The following WDPCP variants were observed in gnomAD, a reference collection of about 807,000 sequenced individuals.
WDPCP encodes the protein WD repeat containing planar cell polarity effector.
In WDPCP, 71 loss-of-function variants were observed where a neutral mutation model predicts 93.1. That is an observed-to-expected ratio of 0.76 (90% CI 0.63 to 0.93). The LOEUF is 0.93. WDPCP is among the 40% of genes least tolerant of loss of function. WDPCP has a pLI of 0.00. For synonymous variants in WDPCP, 315 were observed against 315.0 expected, an observed-to-expected ratio of 1.00 and a Z score of 0.00; for missense variants, 844 against 887.4, an observed-to-expected ratio of 0.95 and a Z score of 0.62.
chr2:63,148,277 T>TG (rs1414532164), intron 17 of WDPCP, among the ~76,000 whole-genome samples: 1 of 151,004 alleles, frequency 6.6e-6, no homozygotes, highest in Non-Finnish European at 1.5e-5. Flanking sequence ...CAGTGAGCTG[T>TG]GATCACACCA....
chr2:63,699,998 G>A (rs556486572), intron 2 of WDPCP, among the ~76,000 whole-genome samples: 1 of 152,172 alleles, frequency 6.6e-6, no homozygotes, highest in African/African-American at 2.4e-5. Context: ...GGTAGAATAT[G>A]CTTTGGGCTG....
At chr2:63,747,775 T>A (rs2103873466) in intron 2 of WDPCP, among the ~76,000 whole-genome samples, 1 of 152,220 alleles carries the variant, frequency 6.6e-6, no homozygotes, top group Admixed American at 6.6e-5. Context: ...TCCATATACA[T>A]TTTAGAATAT....
intron 13 of WDPCP, among the ~76,000 whole-genome samples, chr2:63,281,346 TGTG>T (rs1455340518): frequency 6.6e-6 from 1 of 152,186 alleles, no homozygotes; most frequent in African/African-American, 2.4e-5. Context: ...TTGGTGTGGA[TGTG>T]GTGAAAAGGG....
intron 3 of WDPCP, among the ~76,000 whole-genome samples, chr2:63,644,532 G>A (rs966211430): frequency 2.6e-5 from 4 of 152,086 alleles, no homozygotes; most frequent in African/African-American, 7.2e-5. Context: ...GTGAGCCACC[G>A]TGCCCGGCCT....
rs372736355 is a variant in WDPCP at position 63,439,731 on chromosome 2, A to G, written c.499+26T>C. 6.3e-6 allele frequency: 10 copies of G among 1,595,898 alleles called. No homozygotes were observed. In the African/African-American group the frequency reaches 1.3e-4, roughly 21 times the overall value. On this transcript the variant is annotated intron_variant, in intron 7 of 17. Transcript: ENST00000272321. ...TCCTGCCCCACTGTTAATGTAGGCA[A>G]TTGATTTGCACATGGGGGTAATTAC...
chr2:63,229,196 T>C (rs1678597619), intron 14 of WDPCP: 1 of 152,208 alleles, frequency 6.6e-6, no homozygotes, highest in Admixed American at 6.5e-5. Flanking sequence ...ATGATGAGCA[T>C]TTTTTCATGT....
intron 2 of WDPCP, among the ~76,000 whole-genome samples, chr2:63,797,841 A>G (rs1670638613): frequency 6.6e-6 from 1 of 152,144 alleles, no homozygotes; most frequent in South Asian, 2.1e-4. Flanking sequence ...TAGAACACCA[A>G]GCAGATTTAA....
chr2:63,558,320 G>T (rs1486096772), intron 1 of WDPCP, among the ~76,000 whole-genome samples: 1 of 152,004 alleles, frequency 6.6e-6, no homozygotes, highest in African/African-American at 2.4e-5. Flanking sequence ...TTGAGGTCAG[G>T]AGTTTGAGAC....
intron 13 of WDPCP, among the ~76,000 whole-genome samples, chr2:63,301,791 CT>C (rs35225838): frequency 0.17 from 25,073 of 144,536 alleles, 2,198 homozygotes; most frequent in Admixed American, 0.26. Context: ...AAAGGGATGC[CT>C]TTTTTTTTTT....
intron 10 of WDPCP, among the ~76,000 whole-genome samples, chr2:63,396,608 G>A: frequency 6.6e-6 from 1 of 151,940 alleles, no homozygotes; most frequent in East Asian, 1.9e-4. Flanking sequence ...CAGCTGGGGA[G>A]ATAAAGACCA....
chr2:63,788,910 G>A (rs1231682833), intron 2 of WDPCP, among the ~76,000 whole-genome samples: 1 of 152,072 alleles, frequency 6.6e-6, no homozygotes, highest in Non-Finnish European at 1.5e-5. Flanking sequence ...ATAATTCTGA[G>A]CATTCAGACC....
chr2:63,630,318 G>A (rs1422806042), intron 3 of WDPCP, among the ~76,000 whole-genome samples: 1 of 151,966 alleles, frequency 6.6e-6, no homozygotes, highest in East Asian at 1.9e-4. Context: ...ATGGTCTAAA[G>A]GCATCAGTTA....
intron 1 of WDPCP, among the ~76,000 whole-genome samples, chr2:63,576,855 T>C (rs1708151892): frequency 6.6e-6 from 1 of 152,160 alleles, no homozygotes; most frequent in Non-Finnish European, 1.5e-5. Context: ...AAATATATAC[T>C]TCTAATTATA....
chr2:63,156,016 A>G (rs1304987188), intron 15 of WDPCP, among the ~76,000 whole-genome samples: 1 of 152,030 alleles, frequency 6.6e-6, no homozygotes, highest in African/African-American at 2.4e-5. Context: ...TTATTTATTT[A>G]TTTGACAGAG....
intron 13 of WDPCP, among the ~76,000 whole-genome samples, chr2:63,307,514 A>G (rs1349000377): frequency 6.6e-6 from 1 of 152,200 alleles, no homozygotes; most frequent in East Asian, 1.9e-4. Context: ...GGTAAACAAA[A>G]CAGCGTGGTA....
chr2:63,253,157 GA>G (rs1424415226), intron 14 of WDPCP, among the ~76,000 whole-genome samples: 1 of 152,018 alleles, frequency 6.6e-6, no homozygotes, highest in Admixed American at 6.6e-5. Context: ...AAGAAGTTGG[GA>G]AAGGACTCCC....
At chr2:63,579,015 A>G (rs1708305421) in intron 1 of WDPCP, among the ~76,000 whole-genome samples, 1 of 152,158 alleles carries the variant, frequency 6.6e-6, no homozygotes, top group Non-Finnish European at 1.5e-5. Context: ...ATATCCTTAC[A>G]CTATAGCATC....
chr2:63,544,044 C>T (rs1416749210), intron 1 of WDPCP, among the ~76,000 whole-genome samples: 1 of 152,026 alleles, frequency 6.6e-6, no homozygotes, highest in Non-Finnish European at 1.5e-5. Context: ...AGATAGGTCC[C>T]CATTTAAATC....
chr2:63,146,948 A>T (rs1318791621), intron 17 of WDPCP, among the ~76,000 whole-genome samples: 1 of 152,222 alleles, frequency 6.6e-6, no homozygotes, highest in African/African-American at 2.4e-5. Context: ...AAAACTTTTC[A>T]TAATAAAATT....
Sources: gnomAD v4.1 joint callset for allele counts (sites outside exome capture counted in the v4.1 genomes callset) on GRCh38, gnomAD v4.1.1 for gene constraint, MANE v1.5 for transcripts, NCBI Gene and HGNC (gene_info 2026-07-23, HGNC 2026-07-21) for gene names.